EFCAB12: variants seen among roughly 807,000 people sequenced by gnomAD.
EFCAB12 encodes the protein EF-hand calcium binding domain 12, also known as EF-hand calcium-binding domain-containing protein 12.
Under a neutral mutation model 53.6 loss-of-function variants are expected in EFCAB12, and 43 were observed. The ratio of observed to expected loss-of-function variants is 0.80; its 90% CI spans 0.63 to 1.03. The LOEUF (loss-of-function observed/expected upper bound fraction) is 1.03. Ranked by LOEUF, EFCAB12 falls within the 50% of genes least tolerant of loss-of-function variation. The probability of loss-of-function intolerance (pLI) is 0.00; values close to 1 mark genes in which losing one functional copy is unlikely to be tolerated. For synonymous variants in EFCAB12, 269 were observed against 289.2 expected (o/e 0.93, Z 0.71); for missense variants, 646 against 730.6 (o/e 0.88, Z 1.34).
intron 3 of EFCAB12, among the ~76,000 whole-genome samples, chr3:129,415,733 C>A (rs1305814025): frequency 6.6e-6 from 1 of 152,194 alleles, no homozygotes; most frequent in Non-Finnish European, 1.5e-5. Context: ...TCCTACCAGT[C>A]TCAATGGCAG....
intron 2 of EFCAB12, 44 bp downstream of exon 2, chr3:129,421,322 TC>T (rs2072184035): frequency 1.3e-6 from 2 of 1,539,662 alleles, no homozygotes; most frequent in Non-Finnish European, 1.8e-6. Context: ...TAATGATGCA[TC>T]CCTAAACCCT....
chr3:129,408,552 A>T (rs1577039029), intron 6 of EFCAB12, 93 bp downstream of exon 6: 2 of 1,344,812 alleles, frequency 1.5e-6, no homozygotes. Flanking sequence ...CAGTGGCTTG[A>T]ATGGCTGCAT....
At chr3:129,412,389 T>C (rs1406254783) in intron 4 of EFCAB12, 4 of 151,632 alleles carry the variant, frequency 2.6e-5, no homozygotes, top group African/African-American at 7.3e-5. Flanking sequence ...GGAGACCCCA[T>C]TGCATGAGTC....
chr3:129,416,974 T>C (rs2072123446), intron 3 of EFCAB12, among the ~76,000 whole-genome samples: 1 of 152,046 alleles, frequency 6.6e-6, no homozygotes, highest in Non-Finnish European at 1.5e-5. Context: ...GCATTCAAAA[T>C]GTATAAAAAC....
intron 8 of EFCAB12, 77 bp from the exon 9 acceptor site, chr3:129,401,928 A>G (rs148498750): frequency 3.9e-6 from 6 of 1,527,650 alleles, no homozygotes; most frequent in African/African-American, 1.4e-5. Context: ...GAGCCCACCA[A>G]CTGTGACCAA....
chr3:129,413,252 C>G (rs557908752), intron 4 of EFCAB12: 12 of 152,400 alleles, frequency 7.9e-5, no homozygotes, highest in African/African-American at 2.6e-4. Flanking sequence ...ACAAACACCG[C>G]CACTTTAAGT....
chr3:129,422,928 A>G (rs72986914), intron 1 of EFCAB12, among the ~76,000 whole-genome samples: 5,316 of 152,210 alleles, frequency 0.035, 293 homozygotes, highest in South Asian at 0.11. Flanking sequence ...CTAGTAGACT[A>G]TGAGCTCCAT....
Position 129,421,742 on chromosome 3 carries a change from G to T in EFCAB12, c.111C>A (p.Val37=). The change falls in exon 2 of 9, where the codon GTC becomes GTA. Residue 37 remains valine (V), a synonymous_variant. Coordinates refer to ENST00000505956, the MANE Select transcript of EFCAB12 (RefSeq NM_207307.3). ...ENAPVFDPEP[V]IAHCFKQFQQ... The stretch of plus-strand genomic sequence containing the variant: ...GGAACTGCTTGAAGCAGTGGGCAAT[G>T]ACCGGTTCAGGATCAAAGACGGGAG... 6.2e-7 allele frequency: 1 copy of T among 1,613,854 alleles called. No homozygotes were observed. The highest frequency in any genetic ancestry group is 1.1e-5 in the South Asian group (1 of 91,044).
At position 129,411,236 on chromosome 3, in the gene EFCAB12, C is replaced by T. The variant is rs748745594; in HGVS notation, c.957G>A (p.Gln319=). ...CCAGGGTCATGGGCCGCGTCTCCAT[C>T]TGCGTGTCGACTGCAGGCACCGTCA... is the stretch of plus-strand genomic sequence containing the variant. The part of the protein sequence containing the change: ...DLLTVPAVDT[Q]METRPMTLEE... Residue 319 remains glutamine (Q), a synonymous_variant, in exon 5 of 9, where the codon CAG becomes CAA. Coordinates refer to ENST00000505956, the MANE Select transcript of EFCAB12 (RefSeq NM_207307.3). 14 of 1,613,818 alleles carry T rather than the reference C, an allele frequency of 8.7e-6. No individual in the cohort carries two copies. In the Admixed American group the frequency reaches 2.3e-4, roughly 27 times the overall value.
intron 5 of EFCAB12, among the ~76,000 whole-genome samples, 170 bp from the exon 6 acceptor site, chr3:129,409,028 G>C (rs1306498800): frequency 5.9e-5 from 9 of 152,254 alleles, no homozygotes; most frequent in Admixed American, 5.9e-4. Flanking sequence ...AGTCAGTGAA[G>C]ACTTCAGGTT....
At chr3:129,416,413 G>A (rs544677761) in intron 3 of EFCAB12, among the ~76,000 whole-genome samples, 16 of 147,244 alleles carry the variant, frequency 1.1e-4, no homozygotes, top group African/African-American at 3.1e-4. Context: ...ACGAAGCTCC[G>A]TCTCAAAACA....
Position 129,421,765 on chromosome 3 carries a change from G to A in EFCAB12, c.88C>T (p.Pro30Ser), listed in dbSNP as rs370412572. 1.2e-6 allele frequency: 2 copies of A among 1,613,380 alleles called. No individual in the cohort carries two copies. Among genetic ancestry groups the A allele is most frequent in the African/African-American group, 2.7e-5 (2 of 74,912 alleles). The change falls in exon 2 of 9, where the codon CCC becomes TCC. Residue 30 changes from proline to serine, a missense_variant. Physicochemically the swap from Pro to Ser is moderately conservative, Grantham distance 74. Coordinates refer to ENST00000505956, the MANE Select transcript of EFCAB12 (RefSeq NM_207307.3). ...ATGACCGGTTCAGGATCAAAGACGG[G>A]AGCATTTTCATTGATGGGAGTCTTA... ...PSKTPINENA[P>S]VFDPEPVIAH...
At chr3:129,402,750 T>C in intron 7 of EFCAB12, 171 bp from the exon 8 acceptor site, 1 of 632,902 alleles carries the variant, frequency 1.6e-6, no homozygotes, top group Non-Finnish European at 2.7e-6. Flanking sequence ...GCCTCCATGC[T>C]CCAGGGGAAC....
At position 129,418,426 on chromosome 3, in the gene EFCAB12, CG is replaced by C. The variant is rs751426680; in HGVS notation, c.508del (p.Arg170GlyfsTer56). 6.2e-7 allele frequency: 1 copy of C among 1,610,294 alleles called. No homozygotes were observed. Among genetic ancestry groups the C allele is most frequent in the South Asian group, 1.1e-5 (1 of 90,482 alleles). Reference protein sequence around the residue: ...TTRKKAPRLSRLSRQMVPQLQ... With the variant: ...TTRKKAPRLSXLSRQMVPQLQ... ...CTGGGGCACCATCTGGCGGGACAGC[CG>C]GGAGAGCCTGGGGGCTTTCTTCTGG... On this transcript the variant is annotated frameshift_variant, in exon 3 of 9. Coordinates refer to ENST00000505956, the MANE Select transcript of EFCAB12 (RefSeq NM_207307.3). LOFTEE classifies it high-confidence loss of function.
At chr3:129,426,888 C>T (rs1243337239) in intron 1 of EFCAB12, among the ~76,000 whole-genome samples, 3 of 144,368 alleles carry the variant, frequency 2.1e-5, no homozygotes, top group African/African-American at 7.9e-5. Context: ...TGCTCTGTCA[C>T]CCAGGCTGGA....
rs769894944 is a variant in EFCAB12, at chr3:129,411,258, G to A, written c.935C>T (p.Thr312Met). The change falls in exon 5 of 9, where the codon ACG becomes ATG. Residue 312 changes from threonine (T) to methionine (M), a missense_variant. Thr to Met is a moderately conservative substitution (Grantham distance 81, BLOSUM62 -1). Coordinates refer to ENST00000505956, the MANE Select transcript of EFCAB12 (RefSeq NM_207307.3). ...CATCTGCGTGTCGACTGCAGGCACC[G>A]TCAGTAGGTCCACTTTGGGAAGCTG... ...APQLPKVDLL[T>M]VPAVDTQMET... 92 of 1,613,610 alleles carry A rather than the reference G, an allele frequency of 5.7e-5. No homozygotes were observed. Among genetic ancestry groups the A allele is most frequent in the East Asian group, 4.0e-4 (18 of 44,872 alleles).
chr3:129,412,475 T>TAGAC (rs1239771660), intron 4 of EFCAB12: 3 of 130,838 alleles, frequency 2.3e-5, no homozygotes, highest in Non-Finnish European at 5.1e-5. Context: ...GATAGATAGA[T>TAGAC]AGACAGACTG....
At chr3:129,406,829 TAA>T (rs1559784068) in intron 6 of EFCAB12, among the ~76,000 whole-genome samples, 1 of 150,372 alleles carries the variant, frequency 6.7e-6, no homozygotes, top group East Asian at 2.0e-4. Flanking sequence ...AGGGGGGAGA[TAA>T]AAAAGGTTGT....
rs934507939 is a variant in EFCAB12 at position 129,411,400 on chromosome 3, G to A, written c.839-46C>T. ...TGAAGGAAGGAGGGACTAAGAGGGTGCCCAGCCACGGAACCTGCCAAGCAG... is the reference window on the plus strand; with the variant it reads ...TGAAGGAAGGAGGGACTAAGAGGGTACCCAGCCACGGAACCTGCCAAGCAG... On this transcript the variant is annotated intron_variant, in intron 4 of 8. Transcript: ENST00000505956. 2.0e-6 allele frequency: 3 copies of A among 1,515,408 alleles called. No homozygotes were observed. In the African/African-American group the frequency reaches 4.2e-5, roughly 21 times the overall value. The allele number at this position is 1,515,408 out of a possible 1,614,324, so 93.9% of individuals were successfully genotyped here. A position where few individuals can be genotyped will look rare whatever the true frequency, so the allele number is the denominator to read the frequency against.
Sources: allele counts gnomAD v4.1 joint callset (sites outside exome capture counted in the v4.1 genomes callset), GRCh38; gene constraint gnomAD v4.1.1; transcripts MANE v1.5; gene names NCBI Gene and HGNC (gene_info 2026-07-23, HGNC 2026-07-21).